Variants in TENM3 observed in about 807,000 individuals in gnomAD.
The protein encoded by TENM3 is teneurin-3.
Under a neutral mutation model 255.1 loss-of-function variants are expected in TENM3, and 63 were observed. The ratio of observed to expected loss-of-function variants is 0.25; its 90% CI spans 0.20 to 0.30. The LOEUF is 0.30. TENM3 is among the 10% of genes least tolerant of loss of function. The pLI, the probability that TENM3 is intolerant of heterozygous loss-of-function variation, is 1.00. For synonymous variants in TENM3, 1,306 were observed against 1,322.3 expected (o/e 0.99, Z 0.27); for missense variants, 2,929 against 3,461.1 (o/e 0.85, Z 3.86).
At chr4:181,653,394 TTTTGTTTGTTTG>T in the TENM3 span, among the ~76,000 whole-genome samples, 1 of 151,438 alleles carries the variant, frequency 6.6e-6, no homozygotes, top group Non-Finnish European at 1.5e-5. Flanking sequence ...CATTGTTTTG[TTTTGTTTGTTTG>T]TTTGTTTGTT....
the TENM3 span, among the ~76,000 whole-genome samples, chr4:181,546,354 C>G: frequency 0.16 from 23,862 of 152,122 alleles, 2,839 homozygotes; most frequent in African/African-American, 0.34. Context: ...TAGCATTCTT[C>G]TGATTAATTT....
At chr4:182,155,591 A>G (rs1369965949) in intron 1 of TENM3, among the ~76,000 whole-genome samples, 6 of 152,168 alleles carry the variant, frequency 3.9e-5, no homozygotes, top group Admixed American at 3.9e-4. Context: ...ATAATCTTTC[A>G]TAATTGGTGT....
the TENM3 span, among the ~76,000 whole-genome samples, chr4:181,868,279 C>T: frequency 1.3e-5 from 2 of 152,032 alleles, no homozygotes; most frequent in Admixed American, 6.6e-5. Flanking sequence ...TTCCCTCACC[C>T]CAGCATGGCT....
chr4:181,501,384 GTTTT>G, the TENM3 span, among the ~76,000 whole-genome samples: 1 of 143,380 alleles, frequency 7.0e-6, no homozygotes, highest in African/African-American at 2.5e-5. Flanking sequence ...TTCCTTTTTT[GTTTT>G]TTTTTTTTAA....
chr4:182,797,873 C>A (rs1445196944), intron 27 of TENM3, among the ~76,000 whole-genome samples: 4 of 152,192 alleles, frequency 2.6e-5, no homozygotes, highest in African/African-American at 9.7e-5. Context: ...AACACACACA[C>A]AGGCTATCTA....
At chr4:181,820,824 C>T in the TENM3 span, among the ~76,000 whole-genome samples, 1 of 152,130 alleles carries the variant, frequency 6.6e-6, no homozygotes, top group Non-Finnish European at 1.5e-5. Context: ...GGTTCAGAGG[C>T]TCATGTTTTT....
chr4:182,174,290 A>G (rs988438850), intron 1 of TENM3, among the ~76,000 whole-genome samples: 2 of 151,960 alleles, frequency 1.3e-5, no homozygotes, highest in African/African-American at 4.8e-5. Flanking sequence ...ATCATCTATT[A>G]GAAATGTAAT....
chr4:181,621,528 C>A, the TENM3 span, among the ~76,000 whole-genome samples: 3,290 of 152,238 alleles, frequency 0.022, 60 homozygotes, highest in Admixed American at 0.059. Flanking sequence ...TCTCTGCCAT[C>A]GTAAGCAGTG....
chr4:182,647,747 G>T (rs1047640008), intron 5 of TENM3, among the ~76,000 whole-genome samples: 6 of 152,168 alleles, frequency 3.9e-5, no homozygotes, highest in African/African-American at 1.4e-4. Context: ...AGCCTGAAGT[G>T]GGATTGCTGG....
chr4:182,628,310 C>A (rs1012000568), intron 4 of TENM3, among the ~76,000 whole-genome samples: 1 of 152,112 alleles, frequency 6.6e-6, no homozygotes, highest in African/African-American at 2.4e-5. Context: ...CATCAAGGGA[C>A]ATTCCAAAAT....
chr4:182,267,861 T>C (rs1478228033), intron 1 of TENM3, among the ~76,000 whole-genome samples: 1 of 152,230 alleles, frequency 6.6e-6, no homozygotes, highest in Non-Finnish European at 1.5e-5. Flanking sequence ...AATATTATGT[T>C]TCAAAAACTA....
chr4:181,483,055 T>G, the TENM3 span, among the ~76,000 whole-genome samples: 1 of 152,156 alleles, frequency 6.6e-6, no homozygotes, highest in Non-Finnish European at 1.5e-5. Flanking sequence ...TATTAAAATG[T>G]AAAACTACAG....
At chr4:181,762,860 G>C in the TENM3 span, among the ~76,000 whole-genome samples, 1 of 151,872 alleles carries the variant, frequency 6.6e-6, no homozygotes. Context: ...AATTAAAGTA[G>C]GAAAGCTATT....
At chr4:181,676,386 A>G in the TENM3 span, among the ~76,000 whole-genome samples, 1 of 151,246 alleles carries the variant, frequency 6.6e-6, no homozygotes. Flanking sequence ...TTCATCTTTC[A>G]TTTTAGTTTC....
rs1771209088 is a variant in TENM3 at position 182,426,154 on chromosome 4, A to G, written c.511+79225A>G. Reference sequence around the variant, plus strand: ...TCTCTTTTGACTTTAAGCAGGGCCAATATTTACATGTGAACCATAAGTTCA... The same window carrying G: ...TCTCTTTTGACTTTAAGCAGGGCCAGTATTTACATGTGAACCATAAGTTCA... On this transcript the variant is annotated intron_variant, in intron 3 of 27. Transcript: ENST00000511685. Among the ~76,000 whole-genome samples the G allele has an allele frequency of 2.0e-5, 3 of 152,156 alleles. No homozygotes were observed. The South Asian group carries it at 6.2e-4, about 32-fold the overall frequency.
At chr4:182,101,170 GGGAGGAAGGAAA>G in the TENM3 span, among the ~76,000 whole-genome samples, 38 of 90,760 alleles carry the variant, frequency 4.2e-4, 14 homozygotes, top group East Asian at 4.8e-3. Flanking sequence ...AAAGAAGGGA[GGGAGGAAGGAAA>G]GAAGGGAGGG....
chr4:182,678,662 A>G (rs1755847644), intron 7 of TENM3, among the ~76,000 whole-genome samples: 1 of 152,206 alleles, frequency 6.6e-6, no homozygotes. Flanking sequence ...CTTCACCTGT[A>G]AAGTGCAAAT....
chr4:182,202,349 A>G (rs1452010154), intron 1 of TENM3, among the ~76,000 whole-genome samples: 7 of 126,518 alleles, frequency 5.5e-5, no homozygotes, highest in Admixed American at 2.0e-4. Flanking sequence ...GTTGTTGCCC[A>G]GGCTGGAGTG....
intron 19 of TENM3, among the ~76,000 whole-genome samples, chr4:182,749,639 C>A (rs1203151056): frequency 6.6e-6 from 1 of 152,112 alleles, no homozygotes; most frequent in African/African-American, 2.4e-5. Context: ...AGGTAAGGAA[C>A]CTGAGGCACA....
Sources: gnomAD v4.1 joint callset for allele counts (sites outside exome capture counted in the v4.1 genomes callset) on GRCh38, gnomAD v4.1.1 for gene constraint, MANE v1.5 for transcripts, NCBI Gene and HGNC (gene_info 2026-07-23, HGNC 2026-07-21) for gene names.